NSD1: variants seen among roughly 807,000 people sequenced by gnomAD.
NSD1 encodes the protein histone-lysine N-methyltransferase, H3 lysine-36 specific.
In NSD1, 26 loss-of-function variants were observed where a neutral mutation model predicts 242.7. That is an observed-to-expected ratio of 0.11 (90% CI 0.08 to 0.15). The LOEUF (loss-of-function observed/expected upper bound fraction) is 0.15. Ranked by LOEUF, NSD1 falls within the 10% of genes least tolerant of loss-of-function variation. The pLI, the probability that NSD1 is intolerant of heterozygous loss-of-function variation, is 1.00. For synonymous variants in NSD1, 1,106 were observed against 1,178.1 expected (o/e 0.94, Z 1.25); for missense variants, 2,495 against 3,272.8 (o/e 0.76, Z 5.80).
chr5:177,227,911 G>T (rs1318388360), intron 5 of NSD1, among the ~76,000 whole-genome samples: 2 of 148,836 alleles, frequency 1.3e-5, no homozygotes, highest in South Asian at 2.1e-4. Flanking sequence ...TTGTGCCATT[G>T]TACTCTACCC....
intron 14 of NSD1, chr5:177,265,594 G>T: frequency 7.5e-7 from 1 of 1,325,394 alleles, no homozygotes; most frequent in Non-Finnish European, 1.1e-6. Flanking sequence ...AGTCTGTGGA[G>T]CAGGACAGGT....
chr5:177,295,317 G>T lies in NSD1; in HGVS notation c.7949G>T (p.Trp2650Leu), dbSNP rs759599527. 8 of 1,613,790 alleles carry T rather than the reference G, an allele frequency of 5.0e-6. No homozygotes were observed. Among genetic ancestry groups the T allele is most frequent in the Non-Finnish European group, 6.8e-6 (8 of 1,180,030 alleles). The change falls in exon 23 of 23, where the codon TGG (tryptophan) becomes TTG (leucine). Residue 2650 changes from tryptophan (W) to leucine (L), a missense_variant. This residue lies in a region of NSD1 where 475 missense variants were observed against 563.7 expected (regional missense o/e 0.84). Coordinates refer to ENST00000439151, the MANE Select transcript of NSD1 (RefSeq NM_022455.5). This position sits in a 1 kb window ranked among gnomAD's most constrained non-coding sequence, Gnocchi z 4.3. ...GGACAGACACTGGCACAGTCTTGCT[G>T]GTCTGCTGGGAGCACACAGACATTG... ...VAGQTLAQSC[W>L]SAGSTQTLAQ...
At chr5:177,145,349 A>C (rs953726086) in intron 2 of NSD1, among the ~76,000 whole-genome samples, 10 of 150,998 alleles carry the variant, frequency 6.6e-5, no homozygotes, top group African/African-American at 2.2e-4. Flanking sequence ...TATGATCACA[A>C]CTCACTGCAG....
intron 5 of NSD1, among the ~76,000 whole-genome samples, chr5:177,225,642 A>G (rs1764579894): frequency 6.6e-6 from 1 of 152,192 alleles, no homozygotes; most frequent in Non-Finnish European, 1.5e-5. Context: ...GGTGCTGGAA[A>G]TAATCCATTC....
At chr5:177,229,540 C>T (rs1195569635) in intron 5 of NSD1, among the ~76,000 whole-genome samples, 1 of 152,064 alleles carries the variant, frequency 6.6e-6, no homozygotes, top group Non-Finnish European at 1.5e-5. Context: ...CTCCTTTGTT[C>T]CTGATATATT....
Position 177,166,544 on chromosome 5 carries a change from GA to G in NSD1, c.928-25327del, listed in dbSNP as rs756528813. The stretch of plus-strand genomic sequence containing the variant: ...TGGGTAATAGAGTGAGATGCTGTCT[GA>G]AAAAAAAAAAAAGTTTTAGTTTTTT... On this transcript the variant is annotated intron_variant, in intron 2 of 22. Transcript: ENST00000439151. Among the ~76,000 whole-genome samples, 436 of 139,058 alleles carry G rather than the reference GA, an allele frequency of 3.1e-3. 4 individuals are homozygous for G. The highest frequency in any genetic ancestry group is 7.6e-3 in the African/African-American group (289 of 38,264). 91.2% of individuals were successfully genotyped at this position (139,058 alleles called of 152,430 possible).
intron 17 of NSD1, 46 bp downstream of exon 17, chr5:177,273,830 T>G: frequency 1.4e-5 from 17 of 1,218,280 alleles, no homozygotes; most frequent in Non-Finnish European, 1.7e-5. Flanking sequence ...AGAAATGGAA[T>G]AGCTGGCTCT....
intron 3 of NSD1, among the ~76,000 whole-genome samples, chr5:177,200,045 A>G (rs1305043449): frequency 1.3e-5 from 2 of 152,110 alleles, no homozygotes; most frequent in African/African-American, 4.8e-5. Context: ...CCATATCCCC[A>G]TCATTGGTTA....
rs2127293109 is a variant in NSD1, at chr5:177,299,631, C to T, written c.*4172C>T. 1 of 233,278 alleles carries T rather than the reference C, an allele frequency of 4.3e-6. No individual in the cohort carries two copies. The highest frequency in any genetic ancestry group is 1.8e-4 in the South Asian group (1 of 5,526). 14.5% of individuals were successfully genotyped at this position (233,278 alleles called of 1,614,324 possible). A position where few individuals can be genotyped will look rare whatever the true frequency, so the allele number is the denominator to read the frequency against. On this transcript the variant is annotated 3_prime_UTR_variant, in exon 23 of 23. Coordinates refer to ENST00000439151, the MANE Select transcript of NSD1 (RefSeq NM_022455.5). Reference sequence around the variant, plus strand: ...AAGAATTAAACTAGAAATCCACAACCTCGGAAGAAGTGTTTCGAGTTTAAC... The same window carrying T: ...AAGAATTAAACTAGAAATCCACAACTTCGGAAGAAGTGTTTCGAGTTTAAC...
chr5:177,191,825 CAAT>C lies in NSD1; in HGVS notation c.928-55_928-53del. On this transcript the variant is annotated intron_variant, in intron 2 of 22. Transcript: ENST00000439151. ...TTTTTCAGAAGGCTAATAGGAATGA[CAAT>C]AATGTTTCAAAATATTTTGATTCTT... 3.2e-6 allele frequency: 5 copies of C among 1,574,088 alleles called. No homozygotes were observed. The Admixed American group carries it at 5.0e-5, about 16-fold the overall frequency.
intron 10 of NSD1, among the ~76,000 whole-genome samples, chr5:177,247,708 C>T (rs999640655): frequency 4.6e-5 from 7 of 152,170 alleles, no homozygotes; most frequent in African/African-American, 1.7e-4. Flanking sequence ...AAACCATTTA[C>T]TTGCAAAGCA....
chr5:177,146,677 G>T (rs1411375835), intron 2 of NSD1, among the ~76,000 whole-genome samples: 1 of 151,948 alleles, frequency 6.6e-6, no homozygotes, highest in African/African-American at 2.4e-5. Context: ...TTTATCACCT[G>T]TATAGGTTAG....
intron 2 of NSD1, among the ~76,000 whole-genome samples, chr5:177,150,483 C>A (rs1201761240): frequency 6.7e-6 from 1 of 148,372 alleles, no homozygotes; most frequent in East Asian, 1.9e-4. Flanking sequence ...TGTTAGGAAA[C>A]CAATAAAATC....
Position 177,288,648 on chromosome 5 carries a change from T to C in NSD1, c.6152-171T>C, listed in dbSNP as rs79027751. On this transcript the variant is annotated intron_variant, in intron 20 of 22. Transcript: ENST00000439151. Reference sequence around the variant, plus strand: ...CATTTAAGTTTTCTCTGTTAAATTGTATTACCTGATTATTAATGTTATAAG... The same window carrying C: ...CATTTAAGTTTTCTCTGTTAAATTGCATTACCTGATTATTAATGTTATAAG... The C allele has an allele frequency of 9.5e-3, 5,662 of 593,890 alleles. 66 individuals are homozygous for C. Among genetic ancestry groups the C allele is most frequent in the Non-Finnish European group, 0.011 (3,825 of 336,414 alleles). The allele number at this position is 593,890 out of a possible 1,614,324, so 36.8% of individuals were successfully genotyped here. A position where few individuals can be genotyped will look rare whatever the true frequency, so the allele number is the denominator to read the frequency against.
intron 5 of NSD1, among the ~76,000 whole-genome samples, chr5:177,227,118 A>G (rs554975831): frequency 6.6e-6 from 1 of 152,368 alleles, no homozygotes; most frequent in East Asian, 1.9e-4. Context: ...ATTGCAAAAT[A>G]ACATGGAAAG....
intron 11 of NSD1, among the ~76,000 whole-genome samples, chr5:177,251,467 T>A (rs1162237610): frequency 6.6e-6 from 1 of 152,188 alleles, no homozygotes; most frequent in Non-Finnish European, 1.5e-5. Context: ...TTTTCTGACC[T>A]TTCTACTCTT....
chr5:177,277,530 T>C (rs573526914), intron 17 of NSD1, among the ~76,000 whole-genome samples: 2 of 152,354 alleles, frequency 1.3e-5, no homozygotes, highest in South Asian at 4.1e-4. Context: ...GAATTACATA[T>C]CCATGTCTTT....
chr5:177,274,650 C>G (rs1490290121), intron 17 of NSD1, among the ~76,000 whole-genome samples: 1 of 151,848 alleles, frequency 6.6e-6, no homozygotes, highest in Admixed American at 6.5e-5. Flanking sequence ...TGAGAATACC[C>G]TATTTCTTTT....
intron 5 of NSD1, among the ~76,000 whole-genome samples, chr5:177,227,611 T>G (rs1764731773): frequency 1.3e-5 from 2 of 152,032 alleles, no homozygotes; most frequent in South Asian, 4.1e-4. Context: ...GGGCTAATGT[T>G]TGTATTTTTA....
Sources: allele counts gnomAD v4.1 joint callset (sites outside exome capture counted in the v4.1 genomes callset), GRCh38; gene constraint gnomAD v4.1.1; regional missense constraint gnomAD v4.1.1; non-coding constraint Gnocchi (gnomAD v3.1); transcripts MANE v1.5; gene names NCBI Gene and HGNC (gene_info 2026-07-23, HGNC 2026-07-21).